Variants in EPB41L1 observed in about 807,000 individuals in gnomAD.
EPB41L1 encodes erythrocyte membrane protein band 4.1 like 1, also known as band 4.1-like protein 1.
In EPB41L1, 29 loss-of-function variants were observed where a neutral mutation model predicts 97.8. The observed-to-expected ratio is 0.30, with a 90% confidence interval of 0.22 to 0.40. The LOEUF (loss-of-function observed/expected upper bound fraction) is 0.40, where lower values mean the gene tolerates loss of function less well. Among genes scored for constraint, EPB41L1 ranks in the 10% least tolerant of loss-of-function variants. The pLI is 1.00. For synonymous variants in EPB41L1, 383 were observed against 459.2 expected, an observed-to-expected ratio of 0.83 and a Z score of 2.12; for missense variants, 812 against 1,162.3, an observed-to-expected ratio of 0.70 and a Z score of 4.38.
intron 1 of EPB41L1, among the ~76,000 whole-genome samples, chr20:36,166,235 ATG>A (rs2060733809): frequency 6.6e-6 from 1 of 152,238 alleles, no homozygotes; most frequent in Non-Finnish European, 1.5e-5. Context: ...AATCTGCTGA[ATG>A]TGAATTCTGG....
At chr20:36,179,402 C>T (rs1480315825) in intron 5 of EPB41L1, among the ~76,000 whole-genome samples, 2 of 152,222 alleles carry the variant, frequency 1.3e-5, no homozygotes, top group Admixed American at 6.5e-5. Context: ...CAGTTATTAC[C>T]TAAGGTCACA....
In EPB41L1 at chr20:36,207,415, T is replaced by C; in HGVS notation, c.1669-2073T>C. The C allele has an allele frequency of 7.8e-7, 1 of 1,289,672 alleles. No individual in the cohort carries two copies. The highest frequency in any genetic ancestry group is 1.0e-6 in the Non-Finnish European group (1 of 988,822). The allele number at this position is 1,289,672 out of a possible 1,614,324, so 79.9% of individuals were successfully genotyped here. On this transcript the variant is annotated intron_variant, in intron 14 of 21. Transcript: ENST00000338074. The surrounding 1 kb of genome is among the most constrained non-coding windows in gnomAD (Gnocchi z 4.9). ...TTTCCAGGCTGGGGACCAAGAGGGC[T>C]CCCTAGAAGATATTAGCAAGACCTC...
intron 2 of EPB41L1, among the ~76,000 whole-genome samples, chr20:36,140,928 C>T (rs1490184952): frequency 6.6e-5 from 10 of 152,164 alleles, no homozygotes; most frequent in East Asian, 5.8e-4. Flanking sequence ...CTAAGATTTC[C>T]GAGGAGGCAG....
intron 2 of EPB41L1, among the ~76,000 whole-genome samples, chr20:36,144,489 T>C (rs777862086): frequency 1.1e-4 from 16 of 152,220 alleles, no homozygotes; most frequent in Middle Eastern, 3.4e-3. Flanking sequence ...GGAAAACCCA[T>C]GGGGCATCTC....
chr20:36,129,831 C>A (rs1249838460), intron 2 of EPB41L1, among the ~76,000 whole-genome samples: 3 of 151,930 alleles, frequency 2.0e-5, no homozygotes, highest in Non-Finnish European at 1.5e-5. Flanking sequence ...TGGCAACTCA[C>A]AGGTGCAATC....
intron 2 of EPB41L1, among the ~76,000 whole-genome samples, chr20:36,139,302 T>C (rs1179233734): frequency 1.3e-5 from 2 of 152,226 alleles, no homozygotes; most frequent in Admixed American, 6.5e-5. Flanking sequence ...TCCAGTACAA[T>C]TGCCTTTTTC....
chr20:36,223,192 C>T (rs1286294336), intron 21 of EPB41L1, among the ~76,000 whole-genome samples: 1 of 152,224 alleles, frequency 6.6e-6, no homozygotes, highest in Non-Finnish European at 1.5e-5. Flanking sequence ...GCCACCGCAC[C>T]CAGCCTAATT....
chr20:36,102,900 C>G (rs191015684), intron 1 of EPB41L1, among the ~76,000 whole-genome samples: 1 of 152,150 alleles, frequency 6.6e-6, no homozygotes, highest in South Asian at 2.1e-4. Flanking sequence ...GGGAGGGCTG[C>G]GAAAACTAAT....
intron 1 of EPB41L1, among the ~76,000 whole-genome samples, chr20:36,169,687 T>C (rs1405240952): frequency 6.6e-6 from 1 of 152,242 alleles, no homozygotes; most frequent in African/African-American, 2.4e-5. Flanking sequence ...TCAGCTCAAA[T>C]GCTCTCCCTG....
chr20:36,113,176 G>C (rs904892522), intron 2 of EPB41L1, among the ~76,000 whole-genome samples: 1 of 152,194 alleles, frequency 6.6e-6, no homozygotes, highest in Non-Finnish European at 1.5e-5. Context: ...GCGTGTCAAA[G>C]CTTCTTCCCA....
At chr20:36,191,939 G>A (rs1173890223) in intron 11 of EPB41L1, among the ~76,000 whole-genome samples, 3 of 152,182 alleles carry the variant, frequency 2.0e-5, no homozygotes, top group Non-Finnish European at 4.4e-5. Context: ...AAGGTGGGAA[G>A]TGGGGGCTGG....
chr20:36,155,567 C>G (rs1163272951), intron 1 of EPB41L1: 1 of 456,152 alleles, frequency 2.2e-6, no homozygotes, highest in Admixed American at 2.4e-5. Context: ...GCATGGGGGG[C>G]CAATGTCTAC....
At chr20:36,153,792 C>T (rs1479006386), upstream of EPB41L1, among the ~76,000 whole-genome samples, 1 of 152,176 alleles carries the variant, frequency 6.6e-6, no homozygotes, top group Non-Finnish European at 1.5e-5. Flanking sequence ...TCCTCTGTGG[C>T]TTGAGGTCCC....
rs2062175830 is a variant in EPB41L1 at position 36,195,876 on chromosome 20, G to T, written c.1485+512G>T. On this transcript the variant is annotated intron_variant, in intron 13 of 21. Coordinates refer to ENST00000338074, the MANE Select transcript of EPB41L1 (RefSeq NM_012156.2). The surrounding 1 kb of genome is among the most constrained non-coding windows in gnomAD (Gnocchi z 4.6). ...GTGGGAGTGGGGATTGGGGGTGGGG[G>T]AGGGAGGTGCCTCAGAGCACACCTG... Among the ~76,000 whole-genome samples, 2 of 152,160 alleles carry T rather than the reference G, an allele frequency of 1.3e-5. No homozygotes were observed. Among genetic ancestry groups the T allele is most frequent in the Admixed American group, 1.3e-4 (2 of 15,278 alleles).
At chr20:36,214,210 CTG>C in intron 16 of EPB41L1, 145 bp from the exon 17 acceptor site, 1 of 638,230 alleles carries the variant, frequency 1.6e-6, no homozygotes, top group Middle Eastern at 2.5e-4. Context: ...TGTTGCACCT[CTG>C]TGATTTGGTC....
At chr20:36,123,433 GT>G (rs1357677504) in intron 2 of EPB41L1, among the ~76,000 whole-genome samples, 1 of 150,658 alleles carries the variant, frequency 6.6e-6, no homozygotes, top group Non-Finnish European at 1.5e-5. Context: ...TTAAGTTCTG[GT>G]TTTTTTGTTT....
At position 36,092,207 on chromosome 20, in the gene EPB41L1, G is replaced by T. The variant is rs2057680500; in HGVS notation, c.-65+595G>T. ...GGAGGTAGACGAGGTCGGCGAGCTG[G>T]GCGCGGGGCCGCGGGGTTACCCCGG... On this transcript the variant is annotated intron_variant, in intron 1 of 19. Transcript: ENST00000202028. The surrounding 1 kb of genome is among the most constrained non-coding windows in gnomAD (Gnocchi z 7.0). Among the ~76,000 whole-genome samples the T allele has an allele frequency of 6.6e-6, 1 of 152,226 alleles. No homozygotes were observed. Among genetic ancestry groups the T allele is most frequent in the African/African-American group, 2.4e-5 (1 of 41,466 alleles).
At chr20:36,191,670 G>A (rs73101492) in intron 11 of EPB41L1, among the ~76,000 whole-genome samples, 2 of 152,142 alleles carry the variant, frequency 1.3e-5, no homozygotes, top group South Asian at 2.1e-4. Context: ...TTCAAATCTC[G>A]GCTTGACAGT....
intron 2 of EPB41L1, among the ~76,000 whole-genome samples, chr20:36,125,094 C>T (rs1213382016): frequency 6.6e-6 from 1 of 152,146 alleles, no homozygotes; most frequent in African/African-American, 2.4e-5. Context: ...GATGTGGGCT[C>T]AGCCACTTTG....
Sources: allele counts gnomAD v4.1 joint callset (sites outside exome capture counted in the v4.1 genomes callset), GRCh38; gene constraint gnomAD v4.1.1; non-coding constraint Gnocchi (gnomAD v3.1); transcripts MANE v1.5; gene names NCBI Gene and HGNC (gene_info 2026-07-23, HGNC 2026-07-21).